Variants in ABCC1 observed in about 807,000 individuals in gnomAD.
ABCC1 encodes ATP binding cassette subfamily C member 1 (ABCC1 blood group).
ABCC1 carries 83 observed loss-of-function variants against 172.9 expected under a neutral mutation model. The observed-to-expected ratio is 0.48, with a 90% CI of 0.40 to 0.58. ABCC1 has a LOEUF of 0.58. ABCC1 is among the 20% of genes least tolerant of loss of function. ABCC1 has a pLI of 0.00. For missense variants in ABCC1, 1,817 were observed against 2,002.7 expected, an observed-to-expected ratio of 0.91 and a Z score of 1.77; for synonymous variants, 937 against 825.2, an observed-to-expected ratio of 1.14 and a Z score of -2.32.
intron 29 of ABCC1, 86 bp downstream of exon 29, chr16:16,136,730 G>C: frequency 2.8e-6 from 4 of 1,441,630 alleles, no homozygotes; most frequent in Non-Finnish European, 3.7e-6. Flanking sequence ...GTCCAGATCT[G>C]TGTCACCTGG....
intron 10 of ABCC1, among the ~76,000 whole-genome samples, chr16:16,051,070 T>G (rs1264281519): frequency 1.3e-5 from 2 of 152,180 alleles, no homozygotes; most frequent in African/African-American, 4.8e-5. Flanking sequence ...ACATCACGTT[T>G]TGTTTTAGAT....
At chr16:16,065,217 T>C (rs1418104704) in intron 12 of ABCC1, among the ~76,000 whole-genome samples, 1 of 152,166 alleles carries the variant, frequency 6.6e-6, no homozygotes, top group Non-Finnish European at 1.5e-5. Flanking sequence ...GTCAGCACTT[T>C]GACTTCTACA....
At chr16:16,017,008 A>T (rs1249027579) in intron 5 of ABCC1, among the ~76,000 whole-genome samples, 1 of 152,094 alleles carries the variant, frequency 6.6e-6, no homozygotes, top group Non-Finnish European at 1.5e-5. Flanking sequence ...AGAGCTGAGG[A>T]GTTGCTGGAG....
At chr16:16,116,345 C>G (rs1393879772) in intron 23 of ABCC1, among the ~76,000 whole-genome samples, 1 of 152,174 alleles carries the variant, frequency 6.6e-6, no homozygotes, top group Admixed American at 6.5e-5. Flanking sequence ...ACTCCCTTAT[C>G]TGCAGGCACA....
intron 1 of ABCC1, among the ~76,000 whole-genome samples, chr16:15,981,427 T>G (rs2046617788): frequency 6.6e-6 from 1 of 152,196 alleles, no homozygotes; most frequent in Admixed American, 6.5e-5. Flanking sequence ...CTCTGAAATC[T>G]AGGTGGAGGT....
At chr16:15,956,264 C>T (rs1470374344) in intron 1 of ABCC1, among the ~76,000 whole-genome samples, 1 of 151,898 alleles carries the variant, frequency 6.6e-6, no homozygotes, top group Non-Finnish European at 1.5e-5. Context: ...ACTTGAGAAG[C>T]TGAGGCATGA....
intron 1 of ABCC1, among the ~76,000 whole-genome samples, chr16:15,953,775 C>T (rs998033490): frequency 9.9e-5 from 15 of 152,146 alleles, no homozygotes; most frequent in African/African-American, 3.6e-4. Flanking sequence ...AACTCAGTAA[C>T]CCCCTGAATA....
chr16:16,025,748 G>T (rs920234291), intron 5 of ABCC1, among the ~76,000 whole-genome samples: 1 of 152,182 alleles, frequency 6.6e-6, no homozygotes, highest in East Asian at 1.9e-4. Context: ...GGTACCAAAC[G>T]TAGATGTCAA....
At chr16:16,103,101 G>A (rs775440664) in intron 20 of ABCC1, among the ~76,000 whole-genome samples, 4 of 152,134 alleles carry the variant, frequency 2.6e-5, no homozygotes, top group Non-Finnish European at 5.9e-5. Flanking sequence ...TGTAATCTCA[G>A]CACTTTGGGA....
At chr16:15,971,386 C>G (rs1397384553) in intron 1 of ABCC1, among the ~76,000 whole-genome samples, 4 of 152,146 alleles carry the variant, frequency 2.6e-5, no homozygotes, top group Non-Finnish European at 4.4e-5. Flanking sequence ...TTGGGTGGAC[C>G]CAGTTTCTAA....
At chr16:16,009,682 G>A in intron 2 of ABCC1, 94 bp from the exon 3 acceptor site, 1 of 1,323,550 alleles carries the variant, frequency 7.6e-7, no homozygotes, top group African/African-American at 1.5e-5. Flanking sequence ...AAGGCTGGCT[G>A]GTTCTCCTAT....
chr16:15,983,629 C>A lies in ABCC1; in HGVS notation c.49-24187C>A, dbSNP rs150684473. 2.9e-4 allele frequency among the ~76,000 whole-genome samples: 42 copies of A among 146,626 alleles called. 1 individual carries two copies. The highest frequency in any genetic ancestry group is 8.5e-4 in the African/African-American group (34 of 39,878). On this transcript the variant is annotated intron_variant, in intron 1 of 30. Coordinates refer to ENST00000399410, the MANE Select transcript of ABCC1 (RefSeq NM_004996.4). ...GGAGAGCAATGGCATGATCACGGCTCACTGTAGCCTTGACTTCCCAGGTTC... is the reference window on the plus strand; with the variant it reads ...GGAGAGCAATGGCATGATCACGGCTAACTGTAGCCTTGACTTCCCAGGTTC...
At chr16:16,050,309 A>G (rs573152395) in intron 10 of ABCC1, among the ~76,000 whole-genome samples, 3 of 152,174 alleles carry the variant, frequency 2.0e-5, no homozygotes, top group East Asian at 1.9e-4. Context: ...AAATATAAAC[A>G]TTAGTCAGGC....
intron 1 of ABCC1, among the ~76,000 whole-genome samples, chr16:15,978,080 G>A (rs1398451221): frequency 6.6e-6 from 1 of 152,132 alleles, no homozygotes; most frequent in Non-Finnish European, 1.5e-5. Flanking sequence ...CTGATGAAAA[G>A]CAGGTATTGG....
chr16:16,118,579 G>A (rs2152106056), intron 23 of ABCC1, among the ~76,000 whole-genome samples: 1 of 152,108 alleles, frequency 6.6e-6, no homozygotes, highest in South Asian at 2.1e-4. Flanking sequence ...AGGACCTTGG[G>A]TACACCGTGG....
intron 5 of ABCC1, among the ~76,000 whole-genome samples, chr16:16,023,019 T>A (rs999509696): frequency 3.9e-5 from 6 of 152,190 alleles, no homozygotes; most frequent in African/African-American, 1.4e-4. Flanking sequence ...TCCAATGATC[T>A]TCCCGCTTCT....
chr16:15,975,493 A>G (rs946246449), intron 1 of ABCC1, among the ~76,000 whole-genome samples: 5 of 151,430 alleles, frequency 3.3e-5, no homozygotes, highest in African/African-American at 4.9e-5. Flanking sequence ...TGCTTTCTGG[A>G]TTGCTCTTCA....
At position 16,134,625 on chromosome 16, in the gene ABCC1, CTTTTTTTTTTTT is replaced by C. The variant is rs67073334; in HGVS notation, c.4125+132_4125+143del. ...ATACATTTGGCCCTACTTCATCGTT[CTTTTTTTTTTTT>C]TTTTTTTTTTTTTTCCTGAAACAGG... On this transcript the variant is annotated intron_variant, in intron 28 of 30. Coordinates refer to ENST00000399410, the MANE Select transcript of ABCC1 (RefSeq NM_004996.4). The C allele has an allele frequency of 1.4e-4, 48 of 355,528 alleles. No individual in the cohort carries two copies. The East Asian group carries it at 1.9e-3, about 14-fold the overall frequency. The allele number at this position is 355,528 out of a possible 1,614,324, so 22.0% of individuals were successfully genotyped here.
chr16:16,020,926 C>T (rs973267217), intron 5 of ABCC1, among the ~76,000 whole-genome samples: 2 of 152,138 alleles, frequency 1.3e-5, no homozygotes, highest in South Asian at 2.1e-4. Flanking sequence ...AGCAGAGATT[C>T]GAACTCACGA....
Sources: allele counts gnomAD v4.1 joint callset (sites outside exome capture counted in the v4.1 genomes callset), GRCh38; gene constraint gnomAD v4.1.1; transcripts MANE v1.5; gene names NCBI Gene and HGNC (gene_info 2026-07-23, HGNC 2026-07-21).